CACNA2D3: variants seen among roughly 807,000 people sequenced by gnomAD.
CACNA2D3 encodes the protein voltage-dependent calcium channel subunit alpha-2/delta-3.
In CACNA2D3, 60 loss-of-function variants were observed where a neutral mutation model predicts 160.6. The ratio of observed to expected loss-of-function variants is 0.37; its 90% CI spans 0.30 to 0.46. The LOEUF is 0.46. Ranked by LOEUF, CACNA2D3 falls within the 20% of genes least tolerant of loss-of-function variation. CACNA2D3 has a pLI of 1.00. For missense variants in CACNA2D3, 1,205 were observed against 1,365.0 expected, an observed-to-expected ratio of 0.88 and a Z score of 1.85; for synonymous variants, 558 against 492.9, an observed-to-expected ratio of 1.13 and a Z score of -1.75.
intron 11 of CACNA2D3, among the ~76,000 whole-genome samples, chr3:54,728,452 T>C (rs916974121): frequency 6.6e-6 from 1 of 152,150 alleles, no homozygotes; most frequent in African/African-American, 2.4e-5. Flanking sequence ...TTTTCATCTG[T>C]TTCCTTCAAT....
At chr3:54,177,923 T>C (rs1215890683) in intron 2 of CACNA2D3, 2 of 152,168 alleles carry the variant, frequency 1.3e-5, no homozygotes, top group Non-Finnish European at 2.9e-5. Context: ...TTAAGAAGGA[T>C]TACCTTATTC....
intron 2 of CACNA2D3, among the ~76,000 whole-genome samples, chr3:54,188,122 T>C (rs7653234): frequency 0.074 from 11,309 of 152,210 alleles, 472 homozygotes; most frequent in South Asian, 0.17. Flanking sequence ...GTGGAACATA[T>C]GTACACAGAA....
At chr3:54,819,284 C>T (rs1386236648) in intron 14 of CACNA2D3, among the ~76,000 whole-genome samples, 1 of 152,184 alleles carries the variant, frequency 6.6e-6, no homozygotes, top group Non-Finnish European at 1.5e-5. Context: ...GATAAACTAA[C>T]TTTCCACTTT....
intron 4 of CACNA2D3, among the ~76,000 whole-genome samples, chr3:54,421,322 C>T (rs1173314796): frequency 3.9e-5 from 6 of 152,156 alleles, no homozygotes; most frequent in Non-Finnish European, 8.8e-5. Flanking sequence ...AGAATATTTT[C>T]CCTGAGGAGG....
Position 54,598,632 on chromosome 3 carries a change from T to C in CACNA2D3, c.963+16755T>C, listed in dbSNP as rs1038081267. 3.7e-4 allele frequency among the ~76,000 whole-genome samples: 56 copies of C among 152,078 alleles called. 1 individual carries two copies. Among genetic ancestry groups the C allele is most frequent in the African/African-American group, 1.4e-3 (56 of 41,392 alleles). On this transcript the variant is annotated intron_variant, in intron 9 of 37. Transcript: ENST00000474759. ...GGAAGATGAGTCCTTCTGTATGGAG[T>C]TCTCATGTGCATACCTTAATACCAA...
At chr3:54,349,774 C>G (rs1042533955) in intron 3 of CACNA2D3, among the ~76,000 whole-genome samples, 1 of 152,218 alleles carries the variant, frequency 6.6e-6, no homozygotes, top group African/African-American at 2.4e-5. Context: ...CGCATCTGTT[C>G]ATGACTTCTT....
At chr3:54,309,530 G>T (rs1703682835) in intron 2 of CACNA2D3, among the ~76,000 whole-genome samples, 1 of 152,038 alleles carries the variant, frequency 6.6e-6, no homozygotes, top group South Asian at 2.1e-4. Flanking sequence ...ATCTGTCAGA[G>T]ACCACCCATG....
At chr3:54,916,208 C>T (rs544882517) in intron 27 of CACNA2D3, among the ~76,000 whole-genome samples, 10 of 152,278 alleles carry the variant, frequency 6.6e-5, no homozygotes, top group East Asian at 1.9e-4. Flanking sequence ...GTCTGGTACA[C>T]GGTACACGGT....
At chr3:55,051,058 C>T (rs957960298) in intron 35 of CACNA2D3, among the ~76,000 whole-genome samples, 27 of 151,006 alleles carry the variant, frequency 1.8e-4, no homozygotes, top group African/African-American at 5.4e-4. Context: ...AATGTCCTCC[C>T]GTAGCTCAGA....
At chr3:54,755,633 G>A (rs1271636242) in intron 12 of CACNA2D3, among the ~76,000 whole-genome samples, 1 of 152,098 alleles carries the variant, frequency 6.6e-6, no homozygotes, top group East Asian at 1.9e-4. Context: ...GAGAACTATA[G>A]GAAGAACACA....
intron 2 of CACNA2D3, among the ~76,000 whole-genome samples, chr3:54,219,328 A>G (rs747007713): frequency 4.0e-5 from 6 of 151,488 alleles, no homozygotes; most frequent in African/African-American, 9.7e-5. Context: ...CTCTCCCCCT[A>G]CTCTTTAACC....
At chr3:54,942,545 A>G (rs1028020143) in intron 27 of CACNA2D3, among the ~76,000 whole-genome samples, 1 of 152,188 alleles carries the variant, frequency 6.6e-6, no homozygotes, top group Non-Finnish European at 1.5e-5. Flanking sequence ...AAAGTAATAT[A>G]TGAATGCAGT....
intron 3 of CACNA2D3, among the ~76,000 whole-genome samples, chr3:54,384,860 C>T (rs538731391): frequency 6.6e-6 from 1 of 152,200 alleles, no homozygotes; most frequent in Non-Finnish European, 1.5e-5. Flanking sequence ...GCTGAGACTA[C>T]AGGCATGTGC....
At chr3:55,042,255 A>G (rs1390454913) in intron 35 of CACNA2D3, among the ~76,000 whole-genome samples, 3 of 152,182 alleles carry the variant, frequency 2.0e-5, no homozygotes, top group Non-Finnish European at 4.4e-5. Flanking sequence ...TAAAATCTCC[A>G]ACTACAATTG....
intron 11 of CACNA2D3, among the ~76,000 whole-genome samples, chr3:54,745,390 G>A (rs1435209439): frequency 6.6e-6 from 1 of 152,172 alleles, no homozygotes; most frequent in East Asian, 1.9e-4. Context: ...CATGGGCTGT[G>A]GATTGGTTGG....
intron 2 of CACNA2D3, among the ~76,000 whole-genome samples, chr3:54,280,447 G>A (rs1047397702): frequency 1.3e-5 from 2 of 152,098 alleles, no homozygotes; most frequent in Non-Finnish European, 2.9e-5. Context: ...TTTGCTGGTG[G>A]GGAGTAGGCA....
chr3:54,236,188 G>A (rs1559891438), intron 2 of CACNA2D3, among the ~76,000 whole-genome samples: 1 of 152,152 alleles, frequency 6.6e-6, no homozygotes, highest in Non-Finnish European at 1.5e-5. Context: ...AACTGTCACG[G>A]ACAACAGGAG....
At chr3:54,274,274 T>G (rs1702687812) in intron 2 of CACNA2D3, among the ~76,000 whole-genome samples, 1 of 151,900 alleles carries the variant, frequency 6.6e-6, no homozygotes, top group African/African-American at 2.4e-5. Flanking sequence ...ACCCCATAAC[T>G]TTATCACCTG....
intron 4 of CACNA2D3, among the ~76,000 whole-genome samples, chr3:54,475,115 C>G (rs952014706): frequency 1.3e-5 from 2 of 152,156 alleles, no homozygotes; most frequent in Non-Finnish European, 2.9e-5. Flanking sequence ...AATGAAGCAA[C>G]TTAGGCGACA....
Sources: gnomAD v4.1 joint callset for allele counts (sites outside exome capture counted in the v4.1 genomes callset) on GRCh38, gnomAD v4.1.1 for gene constraint, MANE v1.5 for transcripts, NCBI Gene and HGNC (gene_info 2026-07-23, HGNC 2026-07-21) for gene names.